The following MARCO variants were observed in gnomAD, a reference collection of about 807,000 sequenced individuals.
MARCO encodes macrophage receptor with collagenous structure, also known as macrophage receptor MARCO.
Under a neutral mutation model 70.0 loss-of-function variants are expected in MARCO, and 72 were observed. The observed-to-expected ratio is 1.03, with a 90% CI of 0.85 to 1.25. The LOEUF (loss-of-function observed/expected upper bound fraction) is 1.25, where lower values mean the gene tolerates loss of function less well. Ranked by LOEUF, MARCO falls within the 50% of genes most tolerant of loss-of-function variation. The pLI is 0.00. For synonymous variants in MARCO, 273 were observed against 243.1 expected (o/e 1.12, Z -1.14); for missense variants, 696 against 659.3 (o/e 1.06, Z -0.61).
intron 6 of MARCO, 73 bp downstream of exon 6, chr2:118,974,638 G>A (rs369932073): frequency 4.4e-5 from 63 of 1,428,974 alleles, no homozygotes; most frequent in South Asian, 1.2e-4. Context: ...GGCTGCAGAC[G>A]CAGCCTCCCT....
chr2:118,943,979 G>A (rs1279716950), intron 1 of MARCO, among the ~76,000 whole-genome samples: 1 of 152,056 alleles, frequency 6.6e-6, no homozygotes, highest in Admixed American at 6.6e-5. Context: ...AGATGATGAG[G>A]GGCAGTGGAT....
At chr2:118,946,403 G>A (rs953790653) in intron 1 of MARCO, among the ~76,000 whole-genome samples, 2 of 152,066 alleles carry the variant, frequency 1.3e-5, no homozygotes, top group Non-Finnish European at 2.9e-5. Context: ...TTTTGGGAAT[G>A]TTACATAAAG....
At chr2:118,960,436 C>G (rs1188888534) in intron 1 of MARCO, among the ~76,000 whole-genome samples, 1 of 152,050 alleles carries the variant, frequency 6.6e-6, no homozygotes, top group African/African-American at 2.4e-5. Flanking sequence ...AAGTTCTCCT[C>G]TATTTCTAGT....
chr2:118,978,165 AG>A (rs1680322342), intron 8 of MARCO, among the ~76,000 whole-genome samples: 1 of 152,180 alleles, frequency 6.6e-6, no homozygotes, highest in African/African-American at 2.4e-5. Context: ...GCTGGGGCAC[AG>A]GCAGTGCTAG....
chr2:118,969,141 C>T lies in MARCO; in HGVS notation c.98-19C>T, dbSNP rs776598150. 4.2e-5 allele frequency: 67 copies of T among 1,580,080 alleles called. No individual in the cohort carries two copies. Among genetic ancestry groups the T allele is most frequent in the Non-Finnish European group, 5.7e-5 (65 of 1,149,014 alleles). On this transcript the variant is annotated intron_variant, in intron 1 of 16. Transcript: ENST00000327097. ...TGTGTTCTCTGCAGCAGCCTCCTTC[C>T]TCCTGGCTTGTGTTTCAGTTCCAAA...
At chr2:118,988,065 C>T (rs1293385694) in intron 12 of MARCO, among the ~76,000 whole-genome samples, 1 of 152,192 alleles carries the variant, frequency 6.6e-6, no homozygotes, top group Admixed American at 6.5e-5. Flanking sequence ...TGTGTACTTT[C>T]TCCTCTGTAA....
rs543393291 is a variant in MARCO, at chr2:118,991,253, G to GTTT, written c.1109-513_1109-511dup. On this transcript the variant is annotated intron_variant, in intron 13 of 16. Coordinates refer to ENST00000327097, the MANE Select transcript of MARCO (RefSeq NM_006770.4). ...GCTAGATATTCTATTATGTTTTATG[G>GTTT]TTTTTTTTTTTTTCAATTTTTTTAG... 4.9e-3 allele frequency among the ~76,000 whole-genome samples: 712 copies of GTTT among 143,936 alleles called. 4 individuals are homozygous for GTTT. Among genetic ancestry groups the GTTT allele is most frequent in the African/African-American group, 0.017 (655 of 38,938 alleles). 94.4% of individuals were successfully genotyped at this position (143,936 alleles called of 152,430 possible).
At chr2:118,960,888 T>TA (rs1679930214) in intron 1 of MARCO, among the ~76,000 whole-genome samples, 1 of 152,156 alleles carries the variant, frequency 6.6e-6, no homozygotes, top group South Asian at 2.1e-4. Flanking sequence ...ATGCTCTCCC[T>TA]ATACCCCCAC....
chr2:118,965,995 C>T (rs1680038151), intron 1 of MARCO, among the ~76,000 whole-genome samples: 1 of 152,096 alleles, frequency 6.6e-6, no homozygotes, highest in South Asian at 2.1e-4. Context: ...GACACCTGCT[C>T]AATGTCCACT....
chr2:118,994,142 T>C (rs1014639531), intron 16 of MARCO, among the ~76,000 whole-genome samples: 1 of 152,116 alleles, frequency 6.6e-6, no homozygotes, highest in Non-Finnish European at 1.5e-5. Context: ...AAGATTTGCA[T>C]GAGACTTTTG....
rs905363994 is a variant in MARCO at position 118,966,060 on chromosome 2, G to A, written c.98-3100G>A. ...ACCAGCACTGCCTGCTACCCCAGGA[G>A]GTGGCAGACCTGGAGGAGGACACCC... On this transcript the variant is annotated intron_variant, in intron 1 of 16. Coordinates refer to ENST00000327097, the MANE Select transcript of MARCO (RefSeq NM_006770.4). 5.9e-5 allele frequency among the ~76,000 whole-genome samples: 9 copies of A among 151,338 alleles called. No individual in the cohort carries two copies. The South Asian group carries it at 8.3e-4, about 14-fold the overall frequency.
intron 12 of MARCO, among the ~76,000 whole-genome samples, chr2:118,983,501 G>A (rs911283668): frequency 6.6e-6 from 1 of 152,162 alleles, no homozygotes; most frequent in Non-Finnish European, 1.5e-5. Context: ...TCGAGCCCCA[G>A]AGCAATTGTG....
intron 12 of MARCO, among the ~76,000 whole-genome samples, chr2:118,987,318 C>T (rs1454368499): frequency 1.3e-5 from 2 of 152,214 alleles, no homozygotes; most frequent in African/African-American, 4.8e-5. Context: ...TCCCTCTACT[C>T]TGCAGGAGCT....
intron 12 of MARCO, among the ~76,000 whole-genome samples, chr2:118,990,238 A>G (rs1359206594): frequency 6.6e-6 from 1 of 152,198 alleles, no homozygotes; most frequent in African/African-American, 2.4e-5. Context: ...TATTTACCAA[A>G]TATCTCCCAA....
intron 8 of MARCO, 112 bp from the exon 9 acceptor site, chr2:118,981,297 G>A: frequency 1.4e-6 from 1 of 715,378 alleles, no homozygotes; most frequent in Non-Finnish European, 2.4e-6. Context: ...CCAAGTAGGA[G>A]CTCAAGGAGT....
intron 1 of MARCO, among the ~76,000 whole-genome samples, chr2:118,946,163 C>T (rs1453255382): frequency 6.6e-6 from 1 of 152,144 alleles, no homozygotes; most frequent in Non-Finnish European, 1.5e-5. Context: ...GTCTCATTCT[C>T]CCCCAGTGGT....
At position 118,981,694 on chromosome 2, in the gene MARCO, G is replaced by A. The variant is rs755772765; in HGVS notation, c.901+38G>A. On this transcript the variant is annotated intron_variant, in intron 10 of 16. Transcript: ENST00000327097. ...GGAATCTGGGCATCATCCCAGCTACGACTGTCCCTGGCAGAGTGAAGCTGG... is the reference window on the plus strand; with the variant it reads ...GGAATCTGGGCATCATCCCAGCTACAACTGTCCCTGGCAGAGTGAAGCTGG... The A allele has an allele frequency of 6.3e-6, 10 of 1,589,316 alleles. No homozygotes were observed. In the African/African-American group the frequency reaches 6.7e-5, roughly 11 times the overall value.
In MARCO at chr2:118,982,404, G is replaced by A. The variant is rs559956434; in HGVS notation, c.1057G>A (p.Asp353Asn). Residue 353 changes from aspartate (D) to asparagine (N), a missense_variant, in exon 12 of 17, where the codon GAC becomes AAC. Physicochemically the swap from Asp to Asn is conservative, Grantham distance 23. Coordinates refer to ENST00000327097, the MANE Select transcript of MARCO (RefSeq NM_006770.4). The part of the protein sequence containing the change: ...GATGLKGSKG[D>N]TGLQGQQGRK... ...CACAGGCCTGAAAGGAAGCAAAGGGGACACAGGTAACAGAGGGTGCAGTGG... is the reference window on the plus strand; with the variant it reads ...CACAGGCCTGAAAGGAAGCAAAGGGAACACAGGTAACAGAGGGTGCAGTGG... 2.5e-6 allele frequency: 4 copies of A among 1,614,016 alleles called. No homozygotes were observed. The highest frequency in any genetic ancestry group is 1.7e-5 in the Admixed American group (1 of 60,018).
At chr2:118,994,012 G>A (rs991808597) in intron 16 of MARCO, among the ~76,000 whole-genome samples, 5 of 152,172 alleles carry the variant, frequency 3.3e-5, no homozygotes, top group African/African-American at 7.2e-5. Context: ...AGAGCAGGGC[G>A]ATGGCTTGAT....
Sources: gnomAD v4.1 joint callset for allele counts (sites outside exome capture counted in the v4.1 genomes callset) on GRCh38, gnomAD v4.1.1 for gene constraint, MANE v1.5 for transcripts, NCBI Gene and HGNC (gene_info 2026-07-23, HGNC 2026-07-21) for gene names.